The following NCAPG2 variants were observed in gnomAD, a reference collection of about 807,000 sequenced individuals.
NCAPG2 encodes non-SMC condensin II complex subunit G2.
A neutral mutation model predicts 141.1 loss-of-function variants in NCAPG2; 53 were observed. The observed-to-expected ratio is 0.38, with a 90% confidence interval of 0.30 to 0.47. The LOEUF is 0.47. Among genes scored for constraint, NCAPG2 ranks in the 20% least tolerant of loss-of-function variants. NCAPG2 has a pLI of 0.99. For synonymous variants in NCAPG2, 499 were observed against 490.7 expected (o/e 1.02, Z -0.22); for missense variants, 1,087 against 1,389.0 (o/e 0.78, Z 3.46).
intron 11 of NCAPG2, among the ~76,000 whole-genome samples, chr7:158,676,472 G>A (rs978938852): frequency 7.9e-5 from 12 of 152,150 alleles, no homozygotes; most frequent in Non-Finnish European, 4.4e-5. Flanking sequence ...TGAGAGCAAC[G>A]AATGGGTACC....
chr7:158,668,140 C>A (rs1222561277), intron 13 of NCAPG2: 1 of 151,958 alleles, frequency 6.6e-6, no homozygotes, highest in African/African-American at 4.6e-5. Context: ...CCTTACCTAC[C>A]CTCTGGCCCT....
chr7:158,701,481 G>A (rs151336597), intron 2 of NCAPG2, among the ~76,000 whole-genome samples: 271 of 152,230 alleles, frequency 1.8e-3, no homozygotes, highest in African/African-American at 6.0e-3. Context: ...GTAAAGACTC[G>A]TGTAGCCTAG....
chr7:158,635,869 C>A (rs769767200), intron 27 of NCAPG2, among the ~76,000 whole-genome samples: 33 of 152,196 alleles, frequency 2.2e-4, no homozygotes, highest in Non-Finnish European at 4.1e-4. Flanking sequence ...GCTTTAATGT[C>A]TCTAGTCCAA....
intron 13 of NCAPG2, chr7:158,668,572 T>G (rs1229782968): frequency 1.2e-5 from 5 of 414,780 alleles, no homozygotes; most frequent in South Asian, 1.0e-4. Context: ...ACAGTTTAGA[T>G]AAAACAAGAT....
At chr7:158,668,518 T>A in intron 13 of NCAPG2, 1 of 786,478 alleles carries the variant, frequency 1.3e-6, no homozygotes, top group Non-Finnish European at 1.5e-6. Context: ...AACAATATGA[T>A]GTCTGGAATT....
In NCAPG2 at chr7:158,664,235, C is replaced by T; in HGVS notation, c.1764G>A (p.Glu588=). ...CCTCTTCCTCCTCGTCCTCTGGAGG[C>T]TCTCTCACTGCCCTCTGGATACAGG... ...LNACIQRAVR[E]PPEDEEEEDG... is the part of the protein sequence containing the mutation. Residue 588 remains glutamate, a synonymous_variant, in exon 15 of 28, where the codon GAG becomes GAA. Transcript: ENST00000356309. 1 of 1,614,024 alleles carries T rather than the reference C, an allele frequency of 6.2e-7. No individual in the cohort carries two copies. Among genetic ancestry groups the T allele is most frequent in the Non-Finnish European group, 8.5e-7 (1 of 1,179,854 alleles).
At chr7:158,696,423 A>T (rs1415432726) in intron 2 of NCAPG2, 1 of 152,230 alleles carries the variant, frequency 6.6e-6, no homozygotes, top group South Asian at 2.1e-4. Flanking sequence ...ATTTAACAGG[A>T]TTATCCACAA....
At chr7:158,639,993 G>A (rs1443298487) in intron 27 of NCAPG2, 7 of 260,482 alleles carry the variant, frequency 2.7e-5, no homozygotes, top group Non-Finnish European at 3.3e-5. Context: ...GAAATATTCA[G>A]ACAATAATAA....
chr7:158,641,917 A>G (rs1830678340), intron 27 of NCAPG2, among the ~76,000 whole-genome samples: 1 of 152,226 alleles, frequency 6.6e-6, no homozygotes, highest in African/African-American at 2.4e-5. Flanking sequence ...ACGTCTACAG[A>G]CTACTTCCTC....
rs571076013 is a variant in NCAPG2 at position 158,651,853 on chromosome 7, T to C, written c.2934+440A>G. On this transcript the variant is annotated intron_variant, in intron 23 of 27. Coordinates refer to ENST00000356309, the MANE Select transcript of NCAPG2 (RefSeq NM_017760.7). ...GAAATTAGCATTTCACCTGACAAGA[T>C]GTCTGCCACTCTACAAGTATCAAAA... Among the ~76,000 whole-genome samples the C allele has an allele frequency of 2.6e-5, 4 of 152,360 alleles. No homozygotes were observed. The South Asian group carries it at 6.2e-4, about 24-fold the overall frequency.
rs1563539097 is a variant in NCAPG2, at chr7:158,667,435, T to TCCTTACCCACTACTGGGTCCCTCCGCCCG, written c.1480-2714_1480-2686dup. On this transcript the variant is annotated intron_variant, in intron 13 of 27. Transcript: ENST00000356309. ...TACCCACTACTGGGTCCCTCCGCCC[T>TCCTTACCCACTACTGGGTCCCTCCGCCCG]CCTTACCCACTACTGGGTCCCTCCG... is the stretch of plus-strand genomic sequence containing the variant. Among the ~76,000 whole-genome samples, 111 of 29,554 alleles carry TCCTTACCCACTACTGGGTCCCTCCGCCCG rather than the reference T, an allele frequency of 3.8e-3. 10 individuals are homozygous for TCCTTACCCACTACTGGGTCCCTCCGCCCG. The highest frequency in any genetic ancestry group is 5.7e-3 in the African/African-American group (32 of 5,592). 19.4% of individuals were successfully genotyped at this position (29,554 alleles called of 152,430 possible). A position where few individuals can be genotyped will look rare whatever the true frequency, so the allele number is the denominator to read the frequency against.
chr7:158,664,818 A>G lies in NCAPG2; in HGVS notation c.1480-68T>C, dbSNP rs967264750. ...CCTGTAACCCTGGAAACAGCTTAAG[A>G]AAAATTTCAAGCACAACCAAAAAAG... On this transcript the variant is annotated intron_variant, in intron 13 of 27. Coordinates refer to ENST00000356309, the MANE Select transcript of NCAPG2 (RefSeq NM_017760.7). 1.0e-5 allele frequency: 14 copies of G among 1,371,418 alleles called. No individual in the cohort carries two copies. The African/African-American group carries it at 1.9e-4, about 19-fold the overall frequency. The allele number at this position is 1,371,418 out of a possible 1,614,324, so 85.0% of individuals were successfully genotyped here.
chr7:158,701,244 T>A (rs756909408), intron 2 of NCAPG2, among the ~76,000 whole-genome samples: 5 of 152,234 alleles, frequency 3.3e-5, no homozygotes, highest in Admixed American at 6.5e-5. Context: ...ACCATCATTT[T>A]GAAGAGCACA....
chr7:158,677,622 A>G (rs1834173831), intron 11 of NCAPG2, among the ~76,000 whole-genome samples: 1 of 150,926 alleles, frequency 6.6e-6, no homozygotes, highest in African/African-American at 2.4e-5. Flanking sequence ...TTTTCTATTA[A>G]TTACTTTCAA....
chr7:158,656,888 C>G (rs1270055177), intron 17 of NCAPG2, among the ~76,000 whole-genome samples, 183 bp from the exon 18 acceptor site: 1 of 152,192 alleles, frequency 6.6e-6, no homozygotes, highest in Non-Finnish European at 1.5e-5. Context: ...TGCTCAGCTG[C>G]ATCCCACCAC....
intron 17 of NCAPG2, among the ~76,000 whole-genome samples, chr7:158,657,733 T>C (rs946559258): frequency 3.3e-5 from 5 of 152,036 alleles, no homozygotes; most frequent in African/African-American, 4.8e-5. Context: ...GGGGAAAAGA[T>C]TGAGAAATTG....
At chr7:158,667,072 TATACTC>T (rs1833020169) in intron 13 of NCAPG2, 1 of 944,418 alleles carries the variant, frequency 1.1e-6, no homozygotes, top group Non-Finnish European at 1.3e-6. Flanking sequence ...GACTGCCTCT[TATACTC>T]ATGTCATTCT....
intron 23 of NCAPG2, 129 bp from the exon 24 acceptor site, chr7:158,651,101 C>T: frequency 1.0e-6 from 1 of 992,830 alleles, no homozygotes; most frequent in South Asian, 1.9e-5. Context: ...ATCTTGTTTG[C>T]CTGCTACCAG....
At chr7:158,662,113 A>C in intron 16 of NCAPG2, 81 bp downstream of exon 16, 1 of 1,332,738 alleles carries the variant, frequency 7.5e-7, no homozygotes, top group Non-Finnish European at 1.0e-6. Flanking sequence ...CAGGGAGGTA[A>C]ACATGTTTGA....
Sources: gnomAD v4.1 joint callset for allele counts (sites outside exome capture counted in the v4.1 genomes callset) on GRCh38, gnomAD v4.1.1 for gene constraint, MANE v1.5 for transcripts, NCBI Gene and HGNC (gene_info 2026-07-23, HGNC 2026-07-21) for gene names.